Variants in TTC28 observed in about 807,000 individuals in gnomAD.
TTC28 encodes tetratricopeptide repeat domain 28.
In TTC28, 61 loss-of-function variants were observed where a neutral mutation model predicts 198.0. The observed-to-expected ratio is 0.31, with a 90% CI of 0.25 to 0.38. The LOEUF is 0.38. Ranked by LOEUF, TTC28 falls within the 10% of genes least tolerant of loss-of-function variation. The pLI is 1.00. For synonymous variants in TTC28, 1,171 were observed against 1,297.8 expected, an observed-to-expected ratio of 0.90 and a Z score of 2.10; for missense variants, 2,678 against 3,164.0, an observed-to-expected ratio of 0.85 and a Z score of 3.69.
At chr22:28,540,056 T>G (rs1343334223) in intron 2 of TTC28, among the ~76,000 whole-genome samples, 1 of 149,566 alleles carries the variant, frequency 6.7e-6, no homozygotes, top group Non-Finnish European at 1.5e-5. Flanking sequence ...GCCATTCTCC[T>G]GCCTCAGCCT....
At chr22:28,289,435 A>G (rs1480228772) in intron 5 of TTC28, among the ~76,000 whole-genome samples, 2 of 152,242 alleles carry the variant, frequency 1.3e-5, no homozygotes, top group African/African-American at 4.8e-5. Context: ...GGGCAATTAA[A>G]ATTAATTTTG....
chr22:28,588,840 C>T (rs2050371200), intron 2 of TTC28, among the ~76,000 whole-genome samples: 1 of 152,136 alleles, frequency 6.6e-6, no homozygotes, highest in Admixed American at 6.6e-5. Flanking sequence ...CCCTGACAGC[C>T]AATTTTGTTA....
At chr22:28,327,687 A>C (rs994831486) in intron 2 of TTC28, among the ~76,000 whole-genome samples, 4 of 152,216 alleles carry the variant, frequency 2.6e-5, no homozygotes, top group African/African-American at 9.6e-5. Flanking sequence ...TTAGAGGAAA[A>C]GGAAACCATT....
At chr22:28,273,536 GT>G (rs1442249499) in intron 5 of TTC28, among the ~76,000 whole-genome samples, 1 of 151,474 alleles carries the variant, frequency 6.6e-6, no homozygotes, top group African/African-American at 2.4e-5. Context: ...ATATAGGATA[GT>G]AAAAAAAAAA....
At chr22:28,256,470 A>G (rs1930927864) in intron 5 of TTC28, among the ~76,000 whole-genome samples, 1 of 151,924 alleles carries the variant, frequency 6.6e-6, no homozygotes, top group Admixed American at 6.6e-5. Flanking sequence ...GTACAGGCTG[A>G]TGGTAAAGAG....
At chr22:28,440,082 C>T (rs183575605) in intron 2 of TTC28, among the ~76,000 whole-genome samples, 2 of 152,348 alleles carry the variant, frequency 1.3e-5, no homozygotes, top group South Asian at 2.1e-4. Flanking sequence ...GTCATCCGCT[C>T]GCCTCGGCCT....
At chr22:28,214,953 T>TA (rs369669761) in intron 5 of TTC28, among the ~76,000 whole-genome samples, 2 of 152,070 alleles carry the variant, frequency 1.3e-5, no homozygotes, top group African/African-American at 2.4e-5. Flanking sequence ...TATGCAGCCA[T>TA]AAAAAAGGAT....
At chr22:28,393,366 G>C (rs1200490303) in intron 2 of TTC28, among the ~76,000 whole-genome samples, 1 of 152,100 alleles carries the variant, frequency 6.6e-6, no homozygotes, top group Non-Finnish European at 1.5e-5. Context: ...TCCTAGGCAA[G>C]AGGAGCTGGA....
chr22:28,440,965 T>C (rs2047611881), intron 2 of TTC28, among the ~76,000 whole-genome samples: 1 of 152,242 alleles, frequency 6.6e-6, no homozygotes, highest in Non-Finnish European at 1.5e-5. Flanking sequence ...TAATCTTTTA[T>C]GAACTCTGAA....
chr22:28,018,185 C>T (rs1475651173), intron 13 of TTC28, among the ~76,000 whole-genome samples: 2 of 151,948 alleles, frequency 1.3e-5, no homozygotes, highest in African/African-American at 4.8e-5. Context: ...GGCCACGGGG[C>T]CCCTTGCATT....
intron 14 of TTC28, among the ~76,000 whole-genome samples, chr22:28,009,536 G>T (rs1266669464): frequency 6.6e-6 from 1 of 152,258 alleles, no homozygotes; most frequent in Admixed American, 6.5e-5. Context: ...CAGTGCGTGG[G>T]TGCTTGCAGC....
chr22:28,468,948 T>C (rs1384669026), intron 2 of TTC28, among the ~76,000 whole-genome samples: 2 of 152,162 alleles, frequency 1.3e-5, no homozygotes, highest in African/African-American at 4.8e-5. Flanking sequence ...TCACCCTGCC[T>C]GGTGCAACCA....
At chr22:28,096,448 T>C in intron 10 of TTC28, 40 bp from the exon 11 acceptor site, 1 of 1,544,806 alleles carries the variant, frequency 6.5e-7, no homozygotes, top group East Asian at 2.4e-5. Context: ...CCATAGTGAG[T>C]GTGCTTACTT....
At chr22:28,092,370 A>G (rs1238468811) in intron 12 of TTC28, among the ~76,000 whole-genome samples, 4 of 152,154 alleles carry the variant, frequency 2.6e-5, no homozygotes, top group African/African-American at 4.8e-5. Flanking sequence ...CCTTATACAC[A>G]GTGAGCACTC....
intron 12 of TTC28, among the ~76,000 whole-genome samples, chr22:28,047,501 C>T (rs955168951): frequency 5.3e-5 from 8 of 152,224 alleles, no homozygotes; most frequent in African/African-American, 1.9e-4. Context: ...ACTAGAAAGG[C>T]ACCTACCTGG....
chr22:28,210,666 G>C (rs903701980), intron 5 of TTC28, among the ~76,000 whole-genome samples: 1 of 152,168 alleles, frequency 6.6e-6, no homozygotes, highest in Non-Finnish European at 1.5e-5. Context: ...CGTCTGATTG[G>C]TGTACCTGAA....
chr22:28,509,082 T>A (rs2048651690), intron 2 of TTC28, among the ~76,000 whole-genome samples: 1 of 151,546 alleles, frequency 6.6e-6, no homozygotes, highest in African/African-American at 2.4e-5. Flanking sequence ...TCCCAGCTAC[T>A]AAGGAGGCTG....
intron 6 of TTC28, among the ~76,000 whole-genome samples, chr22:28,124,999 T>A (rs1230644023): frequency 6.6e-6 from 1 of 152,226 alleles, no homozygotes; most frequent in African/African-American, 2.4e-5. Context: ...CTTCGAGGAA[T>A]AAACTGAATA....
At chr22:28,679,165 CG>C (rs1346018509) in intron 1 of TTC28, among the ~76,000 whole-genome samples, 4 of 152,136 alleles carry the variant, frequency 2.6e-5, no homozygotes, top group African/African-American at 7.2e-5. Flanking sequence ...TGCTCGCCTC[CG>C]GGGACGAAGA....
Sources: allele counts gnomAD v4.1 joint callset (sites outside exome capture counted in the v4.1 genomes callset), GRCh38; gene constraint gnomAD v4.1.1; transcripts MANE v1.5; gene names NCBI Gene and HGNC (gene_info 2026-07-23, HGNC 2026-07-21).